The following STRA6 variants were observed in gnomAD, a reference collection of about 807,000 sequenced individuals.
The protein encoded by STRA6 is receptor for retinol uptake STRA6.
A neutral mutation model predicts 83.6 loss-of-function variants in STRA6; 48 were observed. That is an observed-to-expected ratio of 0.57 (90% confidence interval 0.46 to 0.73). STRA6 has a LOEUF of 0.73. STRA6 is among the 30% of genes least tolerant of loss of function. The pLI, the probability that STRA6 is intolerant of heterozygous loss-of-function variation, is 0.00. For missense variants in STRA6, 760 were observed against 838.8 expected (o/e 0.91, Z 1.16); for synonymous variants, 353 against 362.3 (o/e 0.97, Z 0.29).
At position 74,182,161 on chromosome 15, in the gene STRA6, C is replaced by T. The variant is rs751477964; in HGVS notation, c.1520G>A (p.Arg507Gln). 89 of 1,613,728 alleles carry T rather than the reference C, an allele frequency of 5.5e-5. No individual in the cohort carries two copies. The highest frequency in any genetic ancestry group is 1.6e-4 in the Middle Eastern group (1 of 6,084). The change falls in exon 16 of 19, where the codon CGG (arginine) becomes CAG (glutamine). Residue 507 changes from arginine (R) to glutamine (Q), a missense_variant and splice_region_variant. By Grantham distance (43) the Arg-to-Gln change is conservative. Transcript: ENST00000395105. ...GCCACAAGCCCAGATGCCACCTCAC[C>T]GGTTGGTCAGCTGTGGGTGTCCATC... ...THDGHPQLTN[R>Q]RVLYAATFLL...
Position 74,185,020 on chromosome 15 carries a change from G to A in STRA6, c.1126C>T (p.Leu376Phe). The A allele has an allele frequency of 6.2e-7, 1 of 1,614,082 alleles. No individual in the cohort carries two copies. Among genetic ancestry groups the A allele is most frequent in the East Asian group, 2.2e-5 (1 of 44,868 alleles). The change falls in exon 13 of 19, where the codon CTC becomes TTC. Residue 376 changes from leucine (L) to phenylalanine (F), a missense_variant. Physicochemically the swap from Leu to Phe is conservative, Grantham distance 22. Transcript: ENST00000395105. ...GAGCGCATCAGGACCAGGAAGGTGA[G>A]TAAGCAGGACAAGACCAAGGCTGAG... The part of the protein sequence containing the change: ...YISALVLSCL[L>F]TFLVLMRSLV...
At chr15:74,193,751 G>C in intron 8 of STRA6, 49 bp downstream of exon 8, 1 of 1,609,238 alleles carries the variant, frequency 6.2e-7, no homozygotes, top group East Asian at 2.2e-5. Context: ...GGGGGAGTAG[G>C]GCTGTCTTGG....
At chr15:74,194,249 G>T in intron 7 of STRA6, 1 of 849,244 alleles carries the variant, frequency 1.2e-6, no homozygotes, top group Non-Finnish European at 1.6e-6. Flanking sequence ...CGGAGCATTA[G>T]GAACAGTTCT....
At chr15:74,187,107 C>G (rs2073291719) in intron 12 of STRA6, among the ~76,000 whole-genome samples, 1 of 152,236 alleles carries the variant, frequency 6.6e-6, no homozygotes, top group South Asian at 2.1e-4. Flanking sequence ...CATTTGCTGC[C>G]AGGAGGTGAA....
At chr15:74,200,194 C>T (rs558587771) in intron 2 of STRA6, among the ~76,000 whole-genome samples, 3 of 152,118 alleles carry the variant, frequency 2.0e-5, no homozygotes, top group African/African-American at 4.8e-5. Context: ...CACTCCAACC[C>T]GGGCAACAAG....
intron 2 of STRA6, among the ~76,000 whole-genome samples, chr15:74,198,844 G>A (rs765028035): frequency 1.3e-5 from 2 of 152,218 alleles, no homozygotes; most frequent in East Asian, 1.9e-4. Context: ...CTGGCTGAGC[G>A]CAGAGGTAAA....
chr15:74,200,414 C>G (rs1291547656), intron 2 of STRA6, among the ~76,000 whole-genome samples: 1 of 152,084 alleles, frequency 6.6e-6, no homozygotes, highest in Non-Finnish European at 1.5e-5. Flanking sequence ...ATGGGAGGCC[C>G]CAGGAAGCCA....
Position 74,181,280 on chromosome 15 carries a change from G to A in STRA6, c.1684+15C>T, listed in dbSNP as rs202138009. On this transcript the variant is annotated intron_variant, in intron 17 of 18. Coordinates refer to ENST00000395105, the MANE Select transcript of STRA6 (RefSeq NM_022369.4). ...GTAGCCTGAGCAATCCTCCAGCCCCGCCCAGTGACCTTACCGGGGTCGAGA... is the reference window on the plus strand; with the variant it reads ...GTAGCCTGAGCAATCCTCCAGCCCCACCCAGTGACCTTACCGGGGTCGAGA... 64 of 1,612,190 alleles carry A rather than the reference G, an allele frequency of 4.0e-5. No individual in the cohort carries two copies. Among genetic ancestry groups the A allele is most frequent in the Admixed American group, 8.3e-5 (5 of 59,950 alleles).
chr15:74,194,878 G>A (rs1437015343), intron 7 of STRA6: 11 of 1,382,420 alleles, frequency 8.0e-6, no homozygotes, highest in Non-Finnish European at 1.0e-5. Context: ...AAGGTCCTGA[G>A]GTTCCGGAAT....
chr15:74,191,672 T>C, intron 8 of STRA6, 181 bp from the exon 9 acceptor site: 2 of 646,838 alleles, frequency 3.1e-6, no homozygotes, highest in Non-Finnish European at 5.6e-6. Flanking sequence ...CCTCCAAAGC[T>C]TCCCTTTTCT....
chr15:74,183,752 A>T, intron 14 of STRA6, 104 bp downstream of exon 14: 1 of 1,603,382 alleles, frequency 6.2e-7, no homozygotes, highest in Non-Finnish European at 8.5e-7. Context: ...TTCCCAGACA[A>T]ACTCTGAGGG....
chr15:74,182,067 G>C lies in STRA6; in HGVS notation c.1520+94C>G, dbSNP rs555143338. 229 of 1,087,836 alleles carry C rather than the reference G, an allele frequency of 2.1e-4. 3 individuals are homozygous for C. In the South Asian group the frequency reaches 2.3e-3, roughly 11 times the overall value. The allele number at this position is 1,087,836 out of a possible 1,614,324, so 67.4% of individuals were successfully genotyped here. A position where few individuals can be genotyped will look rare whatever the true frequency, so the allele number is the denominator to read the frequency against. ...ATCTGGGTTCCTTGATAGAGAGAAG[G>C]GATAGATGGCAGTGGAGGGAGGACA... is the stretch of plus-strand genomic sequence containing the variant. On this transcript the variant is annotated intron_variant, in intron 16 of 18. Coordinates refer to ENST00000395105, the MANE Select transcript of STRA6 (RefSeq NM_022369.4).
chr15:74,202,756 G>A lies in STRA6; in HGVS notation c.-59C>T. The A allele has an allele frequency of 8.2e-7, 1 of 1,213,160 alleles. No individual in the cohort carries two copies. The highest frequency in any genetic ancestry group is 1.0e-6 in the Non-Finnish European group (1 of 976,022). 75.1% of individuals were successfully genotyped at this position (1,213,160 alleles called of 1,614,324 possible). A position where few individuals can be genotyped will look rare whatever the true frequency, so the allele number is the denominator to read the frequency against. On this transcript the variant is annotated 5_prime_UTR_variant, in exon 1 of 19. Coordinates refer to ENST00000395105, the MANE Select transcript of STRA6 (RefSeq NM_022369.4). ...AGGAAGGAGTTGCAGAGATGAAAGG[G>A]TAGGCAGCCCACGGCCAGCTCCGCA...
intron 14 of STRA6, chr15:74,183,519 C>T (rs909475335): frequency 5.9e-6 from 7 of 1,188,626 alleles, no homozygotes; most frequent in Non-Finnish European, 7.4e-6. Context: ...GCTGGGATTA[C>T]AGGTGTGAGC....
intron 4 of STRA6, among the ~76,000 whole-genome samples, chr15:74,196,990 G>A (rs1355626807): frequency 6.6e-6 from 1 of 152,222 alleles, no homozygotes; most frequent in East Asian, 1.9e-4. Flanking sequence ...GATACCCTCA[G>A]GGAAGATGAC....
At chr15:74,198,107 C>CT (rs111675537) in intron 2 of STRA6, among the ~76,000 whole-genome samples, 504 of 145,916 alleles carry the variant, frequency 3.5e-3, no homozygotes, top group Middle Eastern at 0.011. Context: ...CACTTATTCT[C>CT]TTTTTTTTTT....
At chr15:74,200,289 G>A (rs759210828) in intron 2 of STRA6, among the ~76,000 whole-genome samples, 1 of 152,186 alleles carries the variant, frequency 6.6e-6, no homozygotes, top group Non-Finnish European at 1.5e-5. Flanking sequence ...GCTCCAGGTG[G>A]AGGGAAGTGC....
At position 74,197,835 on chromosome 15, in the gene STRA6, G is replaced by C; in HGVS notation, c.114-17C>G. 1 of 1,611,760 alleles carries C rather than the reference G, an allele frequency of 6.2e-7. No homozygotes were observed. Among genetic ancestry groups the C allele is most frequent in the South Asian group, 1.1e-5 (1 of 91,052 alleles). ...GGCACTTCCCTGCAGAGCAAATGAA[G>C]GCTGGCTCAGGCCTGCGTCAGGCCC... On this transcript the variant is annotated splice_polypyrimidine_tract_variant and intron_variant, in intron 2 of 18. Coordinates refer to ENST00000395105, the MANE Select transcript of STRA6 (RefSeq NM_022369.4).
intron 15 of STRA6, 38 bp downstream of exon 15, chr15:74,182,305 A>G (rs1487508958): frequency 1.9e-6 from 3 of 1,613,736 alleles, no homozygotes; most frequent in Non-Finnish European, 2.5e-6. Context: ...GCGGACCTCT[A>G]AGGAGTCCCT....
Sources: gnomAD v4.1 joint callset for allele counts (sites outside exome capture counted in the v4.1 genomes callset) on GRCh38, gnomAD v4.1.1 for gene constraint, MANE v1.5 for transcripts, NCBI Gene and HGNC (gene_info 2026-07-23, HGNC 2026-07-21) for gene names.